The following PRSS36 variants were observed in gnomAD, a reference collection of about 807,000 sequenced individuals.
PRSS36 encodes the protein serine protease 36.
PRSS36 carries 90 observed loss-of-function variants against 94.3 expected under a neutral mutation model. The ratio of observed to expected loss-of-function variants is 0.95; its 90% CI spans 0.80 to 1.14. The LOEUF (loss-of-function observed/expected upper bound fraction) is 1.14. Among genes scored for constraint, PRSS36 ranks in the 50% most tolerant of loss-of-function variants. PRSS36 has a pLI of 0.00. For missense variants in PRSS36, 1,158 were observed against 1,135.0 expected, an observed-to-expected ratio of 1.02 and a Z score of -0.29; for synonymous variants, 500 against 489.6, an observed-to-expected ratio of 1.02 and a Z score of -0.28.
chr16:31,146,015 G>C, intron 5 of PRSS36, 60 bp from the exon 6 acceptor site: 4 of 1,516,094 alleles, frequency 2.6e-6, no homozygotes, highest in Non-Finnish European at 3.5e-6. Context: ...CAGTTCCCAG[G>C]GTTCAGGTTT....
In PRSS36 at chr16:31,142,515, G is replaced by A; in HGVS notation, c.1487C>T (p.Ala496Val). The A allele has an allele frequency of 6.6e-7, 1 of 1,511,388 alleles. No homozygotes were observed. 93.6% of individuals were successfully genotyped at this position (1,511,388 alleles called of 1,614,324 possible). The change falls in exon 10 of 15, where the codon GCC becomes GTC. Residue 496 changes from alanine (A) to valine (V), a missense_variant. Coordinates refer to ENST00000268281, the MANE Select transcript of PRSS36 (RefSeq NM_173502.5). ...PGDPPHALCP[A>V]YQEKEEVGSC... ...GCCCACCTCCTCCTTTTCCTGGTAG[G>A]CAGGGCAGAGCGCGTGCGGCGGGTC... is the stretch of plus-strand genomic sequence containing the variant.
At position 31,139,098 on chromosome 16, in the gene PRSS36, A is replaced by G. The variant is rs368432184; in HGVS notation, c.*40T>C. Reference sequence around the variant, plus strand: ...TCCAGCCCCACTGGGCGGGAAGTAGAGGGTGGAGAAGGGGGAAGTGGTGCT... The same window carrying G: ...TCCAGCCCCACTGGGCGGGAAGTAGGGGGTGGAGAAGGGGGAAGTGGTGCT... On this transcript the variant is annotated 3_prime_UTR_variant, in exon 15 of 15. Coordinates refer to ENST00000268281, the MANE Select transcript of PRSS36 (RefSeq NM_173502.5). 5.2e-5 allele frequency: 79 copies of G among 1,509,394 alleles called. No individual in the cohort carries two copies. The highest frequency in any genetic ancestry group is 6.4e-5 in the Non-Finnish European group (72 of 1,127,366). 93.5% of individuals were successfully genotyped at this position (1,509,394 alleles called of 1,614,324 possible). A position where few individuals can be genotyped will look rare whatever the true frequency, so the allele number is the denominator to read the frequency against.
chr16:31,148,303 G>T (rs1228483400), intron 5 of PRSS36, 92 bp downstream of exon 5: 6 of 1,366,520 alleles, frequency 4.4e-6, no homozygotes, highest in Non-Finnish European at 4.8e-6. Flanking sequence ...GCTCCGCTCC[G>T]TGGCCCCACC....
intron 5 of PRSS36, among the ~76,000 whole-genome samples, 175 bp from the exon 6 acceptor site, chr16:31,146,130 T>G (rs2057796774): frequency 1.3e-5 from 2 of 152,248 alleles, no homozygotes; most frequent in African/African-American, 4.8e-5. Flanking sequence ...TTCTACTTTT[T>G]CATCTCAGGA....
intron 2 of PRSS36, 72 bp from the exon 3 acceptor site, chr16:31,149,570 G>A (rs910901988): frequency 6.2e-7 from 1 of 1,606,568 alleles, no homozygotes; most frequent in Non-Finnish European, 8.5e-7. Flanking sequence ...CCCACTTCCT[G>A]CTCTCCAACC....
Position 31,140,485 on chromosome 16 carries a change from G to C in PRSS36, c.2167+7C>G. 1 of 1,588,850 alleles carries C rather than the reference G, an allele frequency of 6.3e-7. No homozygotes were observed. The highest frequency in any genetic ancestry group is 8.6e-7 in the Non-Finnish European group (1 of 1,166,760). ...TACTCCTCGTTCCCGTGACCCAGGG[G>C]TCTCACCTCGGTCCTGGGGTTCTTT... On this transcript the variant is annotated splice_region_variant and intron_variant, in intron 13 of 14. Coordinates refer to ENST00000268281, the MANE Select transcript of PRSS36 (RefSeq NM_173502.5).
chr16:31,149,486 G>C lies in PRSS36; in HGVS notation c.86C>G (p.Thr29Ser). ...ACCCAGATCTTCAGGTTCTTCCTGG[G>C]TAGGACTGAGAGCTGGGAGCCAGAG... is the stretch of plus-strand genomic sequence containing the variant. ...GAFQDSALSP[T>S]QEEPEDLDCG... is the part of the protein sequence containing the mutation. Residue 29 changes from threonine to serine, a missense_variant, in exon 3 of 15, where the codon ACC (threonine) becomes AGC (serine). Physicochemically the swap from Thr to Ser is moderately conservative, Grantham distance 58 (BLOSUM62 1). Transcript: ENST00000268281. 1.9e-6 allele frequency: 3 copies of C among 1,614,118 alleles called. No individual in the cohort carries two copies. Among genetic ancestry groups the C allele is most frequent in the Non-Finnish European group, 2.5e-6 (3 of 1,180,022 alleles).
At chr16:31,141,213 C>T (rs1169149885) in intron 12 of PRSS36, among the ~76,000 whole-genome samples, 5 of 152,092 alleles carry the variant, frequency 3.3e-5, no homozygotes, top group Admixed American at 6.5e-5. Context: ...TGAACCATTG[C>T]GCCCAGCTGT....
chr16:31,142,880 C>A lies in PRSS36; in HGVS notation c.1214G>T (p.Trp405Leu). Residue 405 changes from tryptophan to leucine, a missense_variant, in exon 9 of 15, where the codon TGG (tryptophan) becomes TTG (leucine). Transcript: ENST00000268281. Reference sequence around the variant, plus strand: ...CAGCGCCAGGTCCGAGGCGTTGTCCCACGAAGCGTTCTCGTGCTGCACCAG... The same window carrying A: ...CAGCGCCAGGTCCGAGGCGTTGTCCAACGAAGCGTTCTCGTGCTGCACCAG... ...ARLVQHENASWDNASDLALLQ... is the reference protein window; with the variant it reads ...ARLVQHENASLDNASDLALLQ... The A allele has an allele frequency of 6.4e-7, 1 of 1,561,092 alleles. No individual in the cohort carries two copies.
rs943348986 is a variant in PRSS36 at position 31,142,456 on chromosome 16, C to T, written c.1521+25G>A. On this transcript the variant is annotated intron_variant, in intron 10 of 14. Transcript: ENST00000268281. ...CTAGAGCCCTCTCGGGCCCGCGTTC[C>T]GCGGGCCCCGCCCCCGCCGCTTACC... The T allele has an allele frequency of 9.1e-4, 1,302 of 1,426,280 alleles. 3 individuals carry two copies. The highest frequency in any genetic ancestry group is 1.1e-3 in the Non-Finnish European group (1,195 of 1,090,694). 88.4% of individuals were successfully genotyped at this position (1,426,280 alleles called of 1,614,324 possible).
chr16:31,139,085 G>A lies in PRSS36; in HGVS notation c.*53C>T, dbSNP rs2057636516. 3 of 1,503,030 alleles carry A rather than the reference G, an allele frequency of 2.0e-6. No homozygotes were observed. The East Asian group carries it at 7.0e-5, about 35-fold the overall frequency. The allele number at this position is 1,503,030 out of a possible 1,614,324, so 93.1% of individuals were successfully genotyped here. On this transcript the variant is annotated 3_prime_UTR_variant, in exon 15 of 15. Coordinates refer to ENST00000268281, the MANE Select transcript of PRSS36 (RefSeq NM_173502.5). ...GGCTGGGCCACATTCCAGCCCCACTGGGCGGGAAGTAGAGGGTGGAGAAGG... is the reference window on the plus strand; with the variant it reads ...GGCTGGGCCACATTCCAGCCCCACTAGGCGGGAAGTAGAGGGTGGAGAAGG...
In PRSS36 at chr16:31,148,672, A is replaced by G; in HGVS notation, c.276T>C (p.Asn92=). Residue 92 remains asparagine (N), a synonymous_variant, in exon 5 of 15, where the codon AAT becomes AAC. Transcript: ENST00000268281. The stretch of plus-strand genomic sequence containing the variant: ...ACTCGGCCGCGGGCTCCAGCGTCCC[A>G]TTCCTGCGCTCGACCGGGGCAGTAG... ...VLSAAHCFMT[N]GTLEPAAEWS... 6.2e-7 allele frequency: 1 copy of G among 1,612,382 alleles called. No individual in the cohort carries two copies. The highest frequency in any genetic ancestry group is 2.2e-5 in the East Asian group (1 of 44,842).
At chr16:31,139,619 C>T (rs1002313328) in intron 14 of PRSS36, among the ~76,000 whole-genome samples, 2 of 152,148 alleles carry the variant, frequency 1.3e-5, no homozygotes, top group Non-Finnish European at 2.9e-5. Flanking sequence ...GTGGCTCACA[C>T]CTCTAATCCC....
chr16:31,143,010 G>T lies in PRSS36; in HGVS notation c.1101-17C>A. ...CTGTTCGGGCTGCGGGATGGGGGCC[G>T]AGGGACGTGGGCCGGATCCCGCACA... is the stretch of plus-strand genomic sequence containing the variant. On this transcript the variant is annotated splice_polypyrimidine_tract_variant and intron_variant, in intron 8 of 14. Coordinates refer to ENST00000268281, the MANE Select transcript of PRSS36 (RefSeq NM_173502.5). 7.3e-7 allele frequency: 1 copy of T among 1,375,690 alleles called. No individual in the cohort carries two copies. Among genetic ancestry groups the T allele is most frequent in the African/African-American group, 1.5e-5 (1 of 65,696 alleles). The allele number at this position is 1,375,690 out of a possible 1,614,324, so 85.2% of individuals were successfully genotyped here. A position where few individuals can be genotyped will look rare whatever the true frequency, so the allele number is the denominator to read the frequency against.
rs554974393 is a variant in PRSS36 at position 31,139,096 on chromosome 16, A to G, written c.*42T>C. ...ATTCCAGCCCCACTGGGCGGGAAGT[A>G]GAGGGTGGAGAAGGGGGAAGTGGTG... On this transcript the variant is annotated 3_prime_UTR_variant, in exon 15 of 15. Coordinates refer to ENST00000268281, the MANE Select transcript of PRSS36 (RefSeq NM_173502.5). The G allele has an allele frequency of 6.6e-6, 10 of 1,508,118 alleles. No individual in the cohort carries two copies. In the East Asian group the frequency reaches 2.3e-4, roughly 35 times the overall value. 93.4% of individuals were successfully genotyped at this position (1,508,118 alleles called of 1,614,324 possible). A position where few individuals can be genotyped will look rare whatever the true frequency, so the allele number is the denominator to read the frequency against.
chr16:31,149,877 G>A, intron 1 of PRSS36, 122 bp downstream of exon 1: 3 of 1,520,608 alleles, frequency 2.0e-6, no homozygotes, highest in Non-Finnish European at 2.7e-6. Flanking sequence ...CTCGCCTTCT[G>A]CTGCCTCACT....
chr16:31,142,489 T>G lies in PRSS36; in HGVS notation c.1513A>C (p.Ser505Arg). ...CCGCCCCCGCCGCTTACCCAGCAGCTGCCCACCTCCTCCTTTTCCTGGTAG... is the reference window on the plus strand; with the variant it reads ...CCGCCCCCGCCGCTTACCCAGCAGCGGCCCACCTCCTCCTTTTCCTGGTAG... The part of the protein sequence containing the change: ...PAYQEKEEVG[S>R]CWNDSRWSLL... The change falls in exon 10 of 15, where the codon AGC becomes CGC. Residue 505 changes from serine to arginine, a missense_variant. By Grantham distance (110) the Ser-to-Arg change is moderately radical. Coordinates refer to ENST00000268281, the MANE Select transcript of PRSS36 (RefSeq NM_173502.5). 1 of 1,477,220 alleles carries G rather than the reference T, an allele frequency of 6.8e-7. No individual in the cohort carries two copies. The highest frequency in any genetic ancestry group is 9.0e-7 in the Non-Finnish European group (1 of 1,115,648). The allele number at this position is 1,477,220 out of a possible 1,614,324, so 91.5% of individuals were successfully genotyped here. A position where few individuals can be genotyped will look rare whatever the true frequency, so the allele number is the denominator to read the frequency against.
chr16:31,140,756 G>A lies in PRSS36; in HGVS notation c.1903C>T (p.Pro635Ser), dbSNP rs1368483158. 1 of 1,613,748 alleles carries A rather than the reference G, an allele frequency of 6.2e-7. No homozygotes were observed. The highest frequency in any genetic ancestry group is 8.5e-7 in the Non-Finnish European group (1 of 1,179,834). The change falls in exon 13 of 15, where the codon CCA (proline) becomes TCA (serine). Residue 635 changes from proline to serine, a missense_variant and splice_region_variant. Pro to Ser is a moderately conservative substitution (Grantham distance 74). Coordinates refer to ENST00000268281, the MANE Select transcript of PRSS36 (RefSeq NM_173502.5). ...VLAATHCVLR[P>S]GSTTVPYIEV... is the part of the protein sequence containing the mutation. ...ATGTAAGGCACTGTTGTAGAGCCTGGCCTGTTGGAACAAGGTCCAATGTCA... is the reference window on the plus strand; with the variant it reads ...ATGTAAGGCACTGTTGTAGAGCCTGACCTGTTGGAACAAGGTCCAATGTCA...
intron 2 of PRSS36, 54 bp from the exon 3 acceptor site, chr16:31,149,552 C>G: frequency 6.2e-7 from 1 of 1,610,056 alleles, no homozygotes; most frequent in Non-Finnish European, 8.5e-7. Flanking sequence ...AGGCCTGCAC[C>G]GCCCAGCCCC....
Sources: allele counts gnomAD v4.1 joint callset (sites outside exome capture counted in the v4.1 genomes callset), GRCh38; gene constraint gnomAD v4.1.1; transcripts MANE v1.5; gene names NCBI Gene and HGNC (gene_info 2026-07-23, HGNC 2026-07-21).